The following EFR3A variants were observed in gnomAD, a reference collection of about 807,000 sequenced individuals.
EFR3A encodes the protein EFR3 homolog A.
In EFR3A, 76 loss-of-function variants were observed where a neutral mutation model predicts 104.4. That is an observed-to-expected ratio of 0.73 (90% confidence interval 0.60 to 0.88). EFR3A has a LOEUF of 0.88. Ranked by LOEUF, EFR3A falls within the 40% of genes least tolerant of loss-of-function variation. The probability of loss-of-function intolerance (pLI) is 0.00; values close to 1 mark genes in which losing one functional copy is unlikely to be tolerated. For missense variants in EFR3A, 985 were observed against 1,012.5 expected (o/e 0.97, Z 0.37); for synonymous variants, 330 against 330.0 (o/e 1.00, Z 0.00).
intron 18 of EFR3A, among the ~76,000 whole-genome samples, chr8:131,988,375 A>G (rs1821006403): frequency 1.3e-5 from 2 of 152,116 alleles, no homozygotes; most frequent in African/African-American, 4.8e-5. Context: ...TCTGTTCTAC[A>G]AGAGAACCAT....
intron 10 of EFR3A, among the ~76,000 whole-genome samples, chr8:131,973,408 C>T (rs1820172830): frequency 6.6e-6 from 1 of 151,954 alleles, no homozygotes; most frequent in East Asian, 1.9e-4. Context: ...CAGTGTTACT[C>T]TTTCACTCTA....
Position 131,933,270 on chromosome 8 carries a change from A to C in EFR3A, c.11-7229A>C, listed in dbSNP as rs369088022. 2.0e-5 allele frequency among the ~76,000 whole-genome samples: 3 copies of C among 152,158 alleles called. No individual in the cohort carries two copies. In the East Asian group the frequency reaches 5.8e-4, roughly 29 times the overall value. On this transcript the variant is annotated intron_variant, in intron 1 of 22. Transcript: ENST00000254624. ...CTTGCCAAGACTCTTCCCCCTGAGCACATTGAAGATGGTCAGTGACATGTA... is the reference window on the plus strand; with the variant it reads ...CTTGCCAAGACTCTTCCCCCTGAGCCCATTGAAGATGGTCAGTGACATGTA...
At chr8:131,976,184 A>C in intron 11 of EFR3A, 43 bp downstream of exon 11, 1 of 1,235,456 alleles carries the variant, frequency 8.1e-7, no homozygotes, top group Non-Finnish European at 1.1e-6. Context: ...CTTGAGTTAC[A>C]TTTTATCCTA....
At position 131,917,812 on chromosome 8, in the gene EFR3A, T is replaced by TTTGAAC. The variant is rs1161658952; in HGVS notation, c.10+13495_10+13500dup. ...TGCGTCAGTAGTAGTAACCCTTATCTTTGAACTTGAGGTAATTTTGTCAGT... is the reference window on the plus strand; with the variant it reads ...TGCGTCAGTAGTAGTAACCCTTATCTTTGAACTTGAACTTGAGGTAATTTTGTCAGT... On this transcript the variant is annotated intron_variant, in intron 1 of 22. Transcript: ENST00000254624. 1.6e-4 allele frequency among the ~76,000 whole-genome samples: 25 copies of TTTGAAC among 152,306 alleles called. No homozygotes were observed. The East Asian group carries it at 4.8e-3, about 29-fold the overall frequency.
rs554724061 is a variant in EFR3A at position 132,002,528 on chromosome 8, A to G, written c.2207-75A>G. On this transcript the variant is annotated intron_variant, in intron 20 of 22. Transcript: ENST00000254624. The stretch of plus-strand genomic sequence containing the variant: ...CTTAATTTTGGATGATATATCATTA[A>G]CTCTTAACGGTCATTGACTGGGTTC... 459 of 1,211,364 alleles carry G rather than the reference A, an allele frequency of 3.8e-4. 3 individuals are homozygous for G. The African/African-American group carries it at 6.6e-3, about 17-fold the overall frequency. 75.0% of individuals were successfully genotyped at this position (1,211,364 alleles called of 1,614,324 possible).
intron 1 of EFR3A, 38 bp from the exon 2 acceptor site, chr8:131,940,458 TTAA>T: frequency 6.5e-7 from 1 of 1,532,174 alleles, no homozygotes; most frequent in Non-Finnish European, 8.8e-7. Flanking sequence ...GTTTACAATA[TTAA>T]TAATATCTGT....
In EFR3A at chr8:131,946,605, C is replaced by G; in HGVS notation, c.338C>G (p.Pro113Arg). Reference sequence around the variant, plus strand: ...GCAAAGCTGCTGGAATCGGGGGAACCAAAGCTTCAAGTTCTTGGAACAAAT... The same window carrying G: ...GCAAAGCTGCTGGAATCGGGGGAACGAAAGCTTCAAGTTCTTGGAACAAAT... ...MVAKLLESGE[P>R]KLQVLGTNSF... Residue 113 changes from proline to arginine, a missense_variant, in exon 4 of 23, where the codon CCA (proline) becomes CGA (arginine). By Grantham distance (103) the Pro-to-Arg change is moderately radical. Coordinates refer to ENST00000254624, the MANE Select transcript of EFR3A (RefSeq NM_015137.6). 1 of 1,603,372 alleles carries G rather than the reference C, an allele frequency of 6.2e-7. No homozygotes were observed. Among genetic ancestry groups the G allele is most frequent in the Non-Finnish European group, 8.5e-7 (1 of 1,175,058 alleles).
chr8:131,981,343 C>G (rs919063722), intron 14 of EFR3A, among the ~76,000 whole-genome samples: 2 of 151,968 alleles, frequency 1.3e-5, no homozygotes, highest in African/African-American at 4.8e-5. Flanking sequence ...GATTTTGAAT[C>G]CTTAAACTGT....
At chr8:131,968,452 A>C (rs1819879001) in intron 9 of EFR3A, 22 bp downstream of exon 9, 1 of 1,611,994 alleles carries the variant, frequency 6.2e-7, no homozygotes, top group Non-Finnish European at 8.5e-7. Flanking sequence ...TAAATAAAAT[A>C]AAATAGTGCG....
At chr8:132,004,344 T>G (rs1242398179) in intron 22 of EFR3A, among the ~76,000 whole-genome samples, 1 of 152,180 alleles carries the variant, frequency 6.6e-6, no homozygotes, top group African/African-American at 2.4e-5. Context: ...GTGAACATTA[T>G]TGTCTGAGCT....
chr8:131,971,701 A>G (rs1385744130), intron 10 of EFR3A, among the ~76,000 whole-genome samples: 2 of 152,000 alleles, frequency 1.3e-5, no homozygotes, highest in Non-Finnish European at 2.9e-5. Context: ...AAAAAAAAAA[A>G]ATTCAAGTTA....
intron 8 of EFR3A, among the ~76,000 whole-genome samples, chr8:131,965,481 C>T (rs2130677581): frequency 6.6e-6 from 1 of 152,312 alleles, no homozygotes; most frequent in African/African-American, 2.4e-5. Flanking sequence ...CACTGGCCAT[C>T]AGATAAATGC....
Position 132,011,191 on chromosome 8 carries a change from T to G in EFR3A, c.*296T>G. The G allele has an allele frequency of 9.6e-7, 1 of 1,043,190 alleles. No homozygotes were observed. The allele number at this position is 1,043,190 out of a possible 1,614,324, so 64.6% of individuals were successfully genotyped here. ...CTGTTAAGTAGTATGTTTTAAACTT[T>G]TCACAAATGTAATGTTTTTTAAAAA... On this transcript the variant is annotated 3_prime_UTR_variant, in exon 23 of 23. Transcript: ENST00000254624.
rs55964352 is a variant in EFR3A at position 132,008,846 on chromosome 8, C to CAAAAAAAAAAAAAAAAAAAA, written c.2361-1935_2361-1916dup. ...GGGTGACAAGAGTAAAACTCCATCTCAAAAAAAAAAAAAAAAAAAAAAAAA... is the reference window on the plus strand; with the variant it reads ...GGGTGACAAGAGTAAAACTCCATCTCAAAAAAAAAAAAAAAAAAAAAAAAAAAAAAAAAAAAAAAAAAAAA... On this transcript the variant is annotated intron_variant, in intron 22 of 22. Transcript: ENST00000254624. Among the ~76,000 whole-genome samples the CAAAAAAAAAAAAAAAAAAAA allele has an allele frequency of 9.3e-5, 3 of 32,166 alleles. 1 individual carries two copies. Among genetic ancestry groups the CAAAAAAAAAAAAAAAAAAAA allele is most frequent in the Non-Finnish European group, 1.8e-4 (3 of 16,890 alleles). The allele number at this position is 32,166 out of a possible 152,430, so 21.1% of individuals were successfully genotyped here. A position where few individuals can be genotyped will look rare whatever the true frequency, so the allele number is the denominator to read the frequency against.
chr8:131,951,476 GATA>G (rs1299057764), intron 5 of EFR3A, among the ~76,000 whole-genome samples: 1 of 152,108 alleles, frequency 6.6e-6, no homozygotes, highest in Non-Finnish European at 1.5e-5. Context: ...TTCAGAGGCT[GATA>G]ATAAGTTTTT....
chr8:131,983,455 A>G (rs1820718031), intron 14 of EFR3A, among the ~76,000 whole-genome samples: 1 of 152,052 alleles, frequency 6.6e-6, no homozygotes, highest in Admixed American at 6.6e-5. Context: ...GTGGCATTGC[A>G]CCTGTATCCA....
intron 22 of EFR3A, among the ~76,000 whole-genome samples, chr8:132,007,633 A>G (rs1822117738): frequency 6.6e-6 from 1 of 151,970 alleles, no homozygotes; most frequent in African/African-American, 2.4e-5. Flanking sequence ...AATTCAGATG[A>G]AAGTACAAAG....
chr8:131,944,922 A>G (rs755866169), intron 3 of EFR3A, 50 bp downstream of exon 3: 3 of 1,579,944 alleles, frequency 1.9e-6, no homozygotes, highest in Admixed American at 1.9e-5. Flanking sequence ...AATTCTTTCT[A>G]GACTTTTAAA....
In EFR3A at chr8:131,979,059, T is replaced by C. The variant is rs990505883; in HGVS notation, c.1499+40T>C. 20 of 1,541,642 alleles carry C rather than the reference T, an allele frequency of 1.3e-5. No homozygotes were observed. In the African/African-American group the frequency reaches 2.8e-4, roughly 21 times the overall value. The stretch of plus-strand genomic sequence containing the variant: ...TGAAATGGATCTAATGATAATGTTT[T>C]TAAATTGCTAAATTAGTGTATTTAA... On this transcript the variant is annotated intron_variant, in intron 13 of 22. Coordinates refer to ENST00000254624, the MANE Select transcript of EFR3A (RefSeq NM_015137.6).
Sources: allele counts gnomAD v4.1 joint callset (sites outside exome capture counted in the v4.1 genomes callset), GRCh38; gene constraint gnomAD v4.1.1; transcripts MANE v1.5; gene names NCBI Gene and HGNC (gene_info 2026-07-23, HGNC 2026-07-21).